The following TSPEAR variants were observed in gnomAD, a reference collection of about 807,000 sequenced individuals.
TSPEAR encodes thrombospondin-type laminin G domain and EAR repeat-containing protein.
A neutral mutation model predicts 71.6 loss-of-function variants in TSPEAR; 69 were observed. That is an observed-to-expected ratio of 0.96 (90% CI 0.79 to 1.18). TSPEAR has a LOEUF of 1.18. Ranked by LOEUF, TSPEAR falls within the 50% of genes most tolerant of loss-of-function variation. The pLI is 0.00. For missense variants in TSPEAR, 971 were observed against 894.9 expected (o/e 1.09, Z -1.09); for synonymous variants, 402 against 387.2 (o/e 1.04, Z -0.45).
rs587699196 is a variant in TSPEAR at position 44,513,574 on chromosome 21, G to C, written c.1567-4188C>G. 4.4e-4 allele frequency among the ~76,000 whole-genome samples: 67 copies of C among 152,330 alleles called. 2 individuals carry two copies. In the South Asian group the frequency reaches 0.013, roughly 30 times the overall value. On this transcript the variant is annotated intron_variant, in intron 9 of 11. Coordinates refer to ENST00000323084, the MANE Select transcript of TSPEAR (RefSeq NM_144991.3). ...TGCTGCCCTGGCACGGTGCCTGGCA[G>C]CTCAGGAGCATCTTGCTGGGATGAT...
intron 1 of TSPEAR, among the ~76,000 whole-genome samples, chr21:44,588,787 G>GTATATA (rs34985016): frequency 8.1e-5 from 12 of 147,512 alleles, no homozygotes. Flanking sequence ...ATGTGTGTGT[G>GTATATA]TATATATATA....
intron 1 of TSPEAR, chr21:44,579,977 T>C: frequency 1.2e-6 from 2 of 1,613,306 alleles, no homozygotes; most frequent in Non-Finnish European, 1.7e-6. Context: ...GCTAGACTGC[T>C]GGCAGCATGA....
rs114229579 is a variant in TSPEAR, at chr21:44,690,593, C to T, written c.82+20840G>A. ...GAGGTCAGCATTCAGCCCACGCTTT[C>T]AAAGATGAGCATGCTGTAAATAAAC... is the stretch of plus-strand genomic sequence containing the variant. On this transcript the variant is annotated intron_variant, in intron 1 of 11. Coordinates refer to ENST00000323084, the MANE Select transcript of TSPEAR (RefSeq NM_144991.3). The T allele has an allele frequency of 7.9e-4, 777 of 985,430 alleles. 3 individuals carry two copies. The African/African-American group carries it at 0.012, about 16-fold the overall frequency. 61.0% of individuals were successfully genotyped at this position (985,430 alleles called of 1,614,324 possible). A position where few individuals can be genotyped will look rare whatever the true frequency, so the allele number is the denominator to read the frequency against.
Position 44,652,928 on chromosome 21 carries a change from G to A in TSPEAR, c.82+58505C>T, listed in dbSNP as rs201820934. ...TCCCAGCACTTTGGGAGGCCGAGGC[G>A]GGTGGATCACAAGGTCAGGAGATCA... On this transcript the variant is annotated intron_variant, in intron 1 of 11. Coordinates refer to ENST00000323084, the MANE Select transcript of TSPEAR (RefSeq NM_144991.3). Among the ~76,000 whole-genome samples the A allele has an allele frequency of 2.5e-4, 38 of 152,210 alleles. 1 individual carries two copies. Among genetic ancestry groups the A allele is most frequent in the Non-Finnish European group, 4.0e-4 (27 of 68,002 alleles).
At chr21:44,528,330 G>A in intron 6 of TSPEAR, 122 bp downstream of exon 6, 2 of 1,415,272 alleles carry the variant, frequency 1.4e-6, no homozygotes, top group Non-Finnish European at 1.9e-6. Flanking sequence ...GCCCCAGCCT[G>A]ACGGCCAAGC....
intron 1 of TSPEAR, among the ~76,000 whole-genome samples, chr21:44,590,013 G>A (rs587755788): frequency 1.3e-3 from 200 of 152,390 alleles, no homozygotes; most frequent in South Asian, 5.6e-3. Context: ...AGGTGGACAA[G>A]GCTGTGTCAG....
Position 44,521,870 on chromosome 21 carries a change from C to CG in TSPEAR, c.1566+12dup, listed in dbSNP as rs782392038. 17 of 1,610,530 alleles carry CG rather than the reference C, an allele frequency of 1.1e-5. No individual in the cohort carries two copies. The East Asian group carries it at 2.9e-4, about 27-fold the overall frequency. ...CAGCAATGGAGAGCCGGGGCTCATGCGGGGGGCCTTACCGGGAAGGACTGG... is the reference window on the plus strand; with the variant it reads ...CAGCAATGGAGAGCCGGGGCTCATGCGGGGGGGCCTTACCGGGAAGGACTGG... On this transcript the variant is annotated intron_variant, in intron 9 of 11. Transcript: ENST00000323084.
At chr21:44,515,325 G>C (rs940352323) in intron 9 of TSPEAR, among the ~76,000 whole-genome samples, 1 of 152,200 alleles carries the variant, frequency 6.6e-6, no homozygotes, top group Non-Finnish European at 1.5e-5. Context: ...TGGTCCCAGC[G>C]CCTTCCCAGG....
intron 9 of TSPEAR, among the ~76,000 whole-genome samples, chr21:44,512,998 G>C: frequency 6.6e-6 from 1 of 152,188 alleles, no homozygotes; most frequent in Admixed American, 6.5e-5. Context: ...GCAAATCCAG[G>C]GTCCCTGTTC....
chr21:44,675,908 C>T (rs1221896681), intron 1 of TSPEAR: 19 of 761,234 alleles, frequency 2.5e-5, no homozygotes, highest in Non-Finnish European at 4.6e-5. Context: ...GCCTACGGCG[C>T]TGGCATATGC....
At chr21:44,573,104 A>G (rs1978290058) in intron 1 of TSPEAR, among the ~76,000 whole-genome samples, 1 of 152,152 alleles carries the variant, frequency 6.6e-6, no homozygotes, top group South Asian at 2.1e-4. Context: ...GTGACCAGCC[A>G]GTTTGTGGTA....
At chr21:44,539,578 A>G (rs2053169187) in intron 2 of TSPEAR, 1 of 1,613,408 alleles carries the variant, frequency 6.2e-7, no homozygotes, top group Non-Finnish European at 8.5e-7. Context: ...TGCAGCAGAC[A>G]GGCTTGCAAC....
chr21:44,579,842 G>A (rs587720012), intron 1 of TSPEAR: 2 of 1,596,026 alleles, frequency 1.3e-6, no homozygotes, highest in African/African-American at 1.3e-5. Flanking sequence ...GGCCTGGTAG[G>A]AGGAGGCAGG....
chr21:44,579,839 T>C (rs7509970), intron 1 of TSPEAR: 86,567 of 1,595,446 alleles, frequency 0.054, 3,981 homozygotes, highest in African/African-American at 0.2. Context: ...GCTGGCCTGG[T>C]AGGAGGAGGC....
At chr21:44,693,678 T>G (rs1555950054) in intron 1 of TSPEAR, among the ~76,000 whole-genome samples, 10 of 149,270 alleles carry the variant, frequency 6.7e-5, no homozygotes, top group Non-Finnish European at 1.5e-4. Flanking sequence ...ATAACAAGTG[T>G]TGGCAAAGAT....
intron 2 of TSPEAR, among the ~76,000 whole-genome samples, chr21:44,554,682 A>G (rs1052722413): frequency 6.6e-6 from 1 of 152,246 alleles, no homozygotes; most frequent in Non-Finnish European, 1.5e-5. Flanking sequence ...TGAGTGCTTG[A>G]AATGTGGCTC....
In TSPEAR at chr21:44,540,225, T is replaced by C. The variant is rs2053194995; in HGVS notation, c.304-6302A>G. ...GGGAGTCAGTGTGTGTGTGAGTGAC[T>C]GAGTGTGTGAGTGAGTGTGTGAGCT... On this transcript the variant is annotated intron_variant, in intron 2 of 11. Transcript: ENST00000323084. 3.2e-6 allele frequency: 5 copies of C among 1,566,650 alleles called. No individual in the cohort carries two copies. The East Asian group carries it at 1.1e-4, about 35-fold the overall frequency.
intron 1 of TSPEAR, among the ~76,000 whole-genome samples, chr21:44,634,554 A>G (rs192910496): frequency 9.8e-5 from 15 of 152,348 alleles, no homozygotes; most frequent in Admixed American, 9.8e-4. Context: ...CAACCCACAC[A>G]AGGGAAGAAC....
rs80004056 is a variant in TSPEAR at position 44,507,384 on chromosome 21, G to A, written c.1754+1815C>T. Among the ~76,000 whole-genome samples, 1,384 of 152,302 alleles carry A rather than the reference G, an allele frequency of 9.1e-3. 20 individuals carry two copies. Among genetic ancestry groups the A allele is most frequent in the African/African-American group, 0.031 (1,306 of 41,550 alleles). ...CACAGAAGCCACAAAACCCCTCAGC[G>A]CCCTTGAATAGGGTTTTGGACTTGG... On this transcript the variant is annotated intron_variant, in intron 10 of 11. Transcript: ENST00000323084.
Sources: allele counts gnomAD v4.1 joint callset (sites outside exome capture counted in the v4.1 genomes callset), GRCh38; gene constraint gnomAD v4.1.1; transcripts MANE v1.5; gene names NCBI Gene and HGNC (gene_info 2026-07-23, HGNC 2026-07-21).